Variants in FRMPD4 observed in about 807,000 individuals in gnomAD.
FRMPD4 encodes FERM and PDZ domain-containing protein 4.
A neutral mutation model predicts 94.1 loss-of-function variants in FRMPD4; 22 were observed. The observed-to-expected ratio is 0.23, with a 90% CI of 0.17 to 0.33. The LOEUF is 0.33. FRMPD4 is among the 10% of genes least tolerant of loss of function. The probability of loss-of-function intolerance (pLI) is 1.00; values close to 1 mark genes in which losing one functional copy is unlikely to be tolerated. For missense variants in FRMPD4, 1,111 were observed against 1,339.9 expected, an observed-to-expected ratio of 0.83 and a Z score of 2.67; for synonymous variants, 631 against 548.6, an observed-to-expected ratio of 1.15 and a Z score of -2.10.
intron 2 of FRMPD4, among the ~76,000 whole-genome samples, chrX:12,540,487 A>T (rs759363815): frequency 8.9e-6 from 1 of 111,964 alleles, no homozygotes; most frequent in African/African-American, 3.2e-5. Flanking sequence ...TCAAAAGAGA[A>T]AAAGCAGGCC....
chrX:12,640,296 C>CAAAAAAAA (rs1157854116), intron 4 of FRMPD4, among the ~76,000 whole-genome samples: 1 of 23,804 alleles, frequency 4.2e-5, no homozygotes, highest in Non-Finnish European at 6.5e-5. Flanking sequence ...GAGGCTGTCT[C>CAAAAAAAA]AAAAAAAAAA....
At chrX:12,641,969 T>C in intron 4 of FRMPD4, among the ~76,000 whole-genome samples, 1 of 111,944 alleles carries the variant, frequency 8.9e-6, no homozygotes, top group East Asian at 2.8e-4. Context: ...TCCCAGGCAC[T>C]TCCTTGGGTG....
Position 12,479,435 on chromosome X carries a change from C to CATAT in FRMPD4, c.42-19244_42-19243insTATA, listed in dbSNP as rs35102998. On this transcript the variant is annotated intron_variant, in intron 1 of 16. Transcript: ENST00000675598. ...ATATACATATATACGTATATATATA[C>CATAT]ACACATATATGTATATATATGTATA... Among the ~76,000 whole-genome samples, 217 of 90,289 alleles carry CATAT rather than the reference C, an allele frequency of 2.4e-3. 1 individual carries two copies. In the East Asian group the frequency reaches 0.036, roughly 15 times the overall value. 78.4% of individuals were successfully genotyped at this position (90,289 alleles called of 115,157 possible). A position where few individuals can be genotyped will look rare whatever the true frequency, so the allele number is the denominator to read the frequency against.
intron 3 of FRMPD4, among the ~76,000 whole-genome samples, chrX:12,102,152 T>C (rs993725536): frequency 1.8e-5 from 2 of 112,053 alleles, no homozygotes; most frequent in African/African-American, 6.5e-5. Flanking sequence ...GGTTCATCTC[T>C]ACTTCTCTTC....
chrX:12,684,548 G>A (rs1309488543), intron 6 of FRMPD4, among the ~76,000 whole-genome samples: 1 of 111,361 alleles, frequency 9.0e-6, no homozygotes, highest in Non-Finnish European at 1.9e-5. Flanking sequence ...GAAGGCTAGA[G>A]GCTGTGGCTG....
At chrX:12,500,522 GCA>G (rs761689319) in intron 2 of FRMPD4, among the ~76,000 whole-genome samples, 4 of 110,790 alleles carry the variant, frequency 3.6e-5, no homozygotes, top group African/African-American at 6.6e-5. Context: ...CCCCTTCAGA[GCA>G]CAGTTTCTTT....
chrX:12,400,716 C>T lies in FRMPD4; in HGVS notation c.42-97964C>T, dbSNP rs185572163. Among the ~76,000 whole-genome samples the T allele has an allele frequency of 3.6e-5, 4 of 111,805 alleles. No homozygotes were observed. In the East Asian group the frequency reaches 1.1e-3, roughly 31 times the overall value. The stretch of plus-strand genomic sequence containing the variant: ...ACAGGTTCAGGCCAAATATCAAGTT[C>T]ACAAAAGAGTTTCATTTCATTTAAT... On this transcript the variant is annotated intron_variant, in intron 1 of 16. Coordinates refer to ENST00000675598, the MANE Select transcript of FRMPD4 (RefSeq NM_001368397.1).
At chrX:12,463,448 TA>T (rs1290723174) in intron 1 of FRMPD4, among the ~76,000 whole-genome samples, 2 of 111,918 alleles carry the variant, frequency 1.8e-5, no homozygotes, top group Non-Finnish European at 3.8e-5. Flanking sequence ...ACTTCCTTTC[TA>T]AAATAAATGA....
At chrX:12,249,394 C>T (rs777400350) in intron 1 of FRMPD4, among the ~76,000 whole-genome samples, 1 of 111,180 alleles carries the variant, frequency 9.0e-6, no homozygotes, top group Non-Finnish European at 1.9e-5. Flanking sequence ...TTTAATAGGG[C>T]AGCATAGACA....
At chrX:12,033,307 G>T (rs1334092344) in intron 3 of FRMPD4, among the ~76,000 whole-genome samples, 1 of 111,803 alleles carries the variant, frequency 8.9e-6, no homozygotes, top group African/African-American at 3.3e-5. Flanking sequence ...AAGGAAACAG[G>T]AAGTCCCTCC....
intron 1 of FRMPD4, among the ~76,000 whole-genome samples, chrX:11,838,090 C>T (rs2053511904): frequency 9.0e-6 from 1 of 111,114 alleles, no homozygotes; most frequent in Non-Finnish European, 1.9e-5. Flanking sequence ...ACATTTGGCA[C>T]CTTGTCTAGA....
intron 1 of FRMPD4, among the ~76,000 whole-genome samples, chrX:11,858,251 G>A (rs967173046): frequency 4.5e-5 from 5 of 111,507 alleles, no homozygotes; most frequent in East Asian, 2.8e-4. Flanking sequence ...ACATATGTAC[G>A]TGTATGCTCA....
intron 1 of FRMPD4, among the ~76,000 whole-genome samples, chrX:12,314,458 G>A (rs1275149623): frequency 2.7e-5 from 3 of 110,933 alleles, no homozygotes; most frequent in Non-Finnish European, 5.7e-5. Context: ...AATCGGTTTT[G>A]GGAGTGAGAC....
chrX:11,958,378 C>T (rs1377887958), intron 3 of FRMPD4, among the ~76,000 whole-genome samples: 1 of 111,964 alleles, frequency 8.9e-6, no homozygotes, highest in Non-Finnish European at 1.9e-5. Flanking sequence ...ATTCTAGAAT[C>T]AGTTCTGATG....
intron 1 of FRMPD4, among the ~76,000 whole-genome samples, chrX:12,403,898 A>G (rs2056637599): frequency 1.8e-5 from 2 of 111,834 alleles, no homozygotes; most frequent in African/African-American, 3.2e-5. Context: ...TGAGTTCTAC[A>G]TTAGTGACTC....
At chrX:12,353,645 C>T (rs981136013) in intron 1 of FRMPD4, among the ~76,000 whole-genome samples, 56 of 112,233 alleles carry the variant, frequency 5.0e-4, no homozygotes, top group African/African-American at 1.7e-3. Context: ...AAAGAGGTCT[C>T]GCTTAAAATT....
rs1033273159 is a variant in FRMPD4 at position 12,568,206 on chromosome X, G to A, written c.159-41515G>A. 4.5e-5 allele frequency among the ~76,000 whole-genome samples: 5 copies of A among 111,594 alleles called. No homozygotes were observed. The South Asian group carries it at 1.9e-3, about 42-fold the overall frequency. On this transcript the variant is annotated intron_variant, in intron 2 of 16. Coordinates refer to ENST00000675598, the MANE Select transcript of FRMPD4 (RefSeq NM_001368397.1). Reference sequence around the variant, plus strand: ...AATGACAAATACAGAAAGGTACTGTGTGCTATTGGTGATCCCTTGCATTTC... The same window carrying A: ...AATGACAAATACAGAAAGGTACTGTATGCTATTGGTGATCCCTTGCATTTC...
chrX:12,280,689 G>A (rs1020630203), intron 1 of FRMPD4, among the ~76,000 whole-genome samples: 1 of 111,589 alleles, frequency 9.0e-6, no homozygotes, highest in African/African-American at 3.3e-5. Context: ...CGGATCTATG[G>A]ATTTTGACAC....
rs201170698 is a variant in FRMPD4 at position 12,463,673 on chromosome X, A to ATGTG, written c.42-35001_42-34998dup. Among the ~76,000 whole-genome samples, 89 of 43,946 alleles carry ATGTG rather than the reference A, an allele frequency of 2.0e-3. 1 individual carries two copies. Among genetic ancestry groups the ATGTG allele is most frequent in the African/African-American group, 4.9e-3 (56 of 11,408 alleles). The allele number at this position is 43,946 out of a possible 115,157, so 38.2% of individuals were successfully genotyped here. On this transcript the variant is annotated intron_variant, in intron 1 of 16. Coordinates refer to ENST00000675598, the MANE Select transcript of FRMPD4 (RefSeq NM_001368397.1). ...CATTGAGTGGGTGCCTGTGCCTCCT[A>ATGTG]TGTGTGTGTTTTTTTTTTGTTTTTG...
Sources: allele counts gnomAD v4.1 joint callset (sites outside exome capture counted in the v4.1 genomes callset), GRCh38; gene constraint gnomAD v4.1.1; transcripts MANE v1.5; gene names NCBI Gene and HGNC (gene_info 2026-07-23, HGNC 2026-07-21).